THSD7A: variants seen among roughly 807,000 people sequenced by gnomAD.
THSD7A encodes thrombospondin type 1 domain containing 7A.
Under a neutral mutation model 231.3 loss-of-function variants are expected in THSD7A, and 96 were observed. The observed-to-expected ratio is 0.41, with a 90% CI of 0.35 to 0.49. The LOEUF (loss-of-function observed/expected upper bound fraction) is 0.49. THSD7A is among the 20% of genes least tolerant of loss of function. THSD7A has a pLI of 0.05. For synonymous variants in THSD7A, 940 were observed against 743.3 expected (o/e 1.26, Z -4.30); for missense variants, 2,290 against 2,070.2 (o/e 1.11, Z -2.06).
intron 11 of THSD7A, among the ~76,000 whole-genome samples, chr7:11,452,860 G>A (rs1253227990): frequency 6.6e-6 from 1 of 151,936 alleles, no homozygotes; most frequent in African/African-American, 2.4e-5. Flanking sequence ...AATAATTCTA[G>A]AAGTTTTAAA....
chr7:11,827,441 C>T (rs1275384033), intron 1 of THSD7A, among the ~76,000 whole-genome samples: 1 of 152,060 alleles, frequency 6.6e-6, no homozygotes, highest in Non-Finnish European at 1.5e-5. Flanking sequence ...CCTTTCCTAG[C>T]CTTTCTAAAC....
intron 13 of THSD7A, among the ~76,000 whole-genome samples, chr7:11,436,014 C>G (rs1440747030): frequency 6.6e-6 from 1 of 151,944 alleles, no homozygotes; most frequent in Admixed American, 6.6e-5. Context: ...TATGTAAGAA[C>G]CTGTGTTTAT....
chr7:11,692,337 A>G (rs1780258192), intron 1 of THSD7A, among the ~76,000 whole-genome samples: 1 of 151,636 alleles, frequency 6.6e-6, no homozygotes, highest in Non-Finnish European at 1.5e-5. Context: ...TAAATAAAAT[A>G]GATACCTCAG....
chr7:11,644,797 C>A (rs1344394818), intron 1 of THSD7A, among the ~76,000 whole-genome samples: 3 of 151,770 alleles, frequency 2.0e-5, no homozygotes, highest in African/African-American at 7.2e-5. Flanking sequence ...TTCTGGTTTC[C>A]TCATTTTAAA....
intron 2 of THSD7A, among the ~76,000 whole-genome samples, chr7:11,609,744 G>C (rs1011770309): frequency 6.6e-6 from 1 of 152,088 alleles, no homozygotes; most frequent in South Asian, 2.1e-4. Context: ...ATGCAGAGAA[G>C]CTTATTCAAT....
chr7:11,544,801 C>T (rs62432838), intron 4 of THSD7A, among the ~76,000 whole-genome samples: 15,076 of 146,414 alleles, frequency 0.1, 1,570 homozygotes, highest in African/African-American at 0.27. Context: ...CTCCACATCT[C>T]CCCCGCCTCC....
intron 5 of THSD7A, among the ~76,000 whole-genome samples, chr7:11,542,008 T>C (rs1339742723): frequency 6.6e-6 from 1 of 151,900 alleles, no homozygotes; most frequent in African/African-American, 2.4e-5. Context: ...AAAGAAGGAG[T>C]GAAATTTCAA....
intron 23 of THSD7A, chr7:11,384,852 G>T (rs780549343): frequency 6.6e-6 from 1 of 151,770 alleles, no homozygotes; most frequent in Non-Finnish European, 1.5e-5. Flanking sequence ...TTAATTTTAG[G>T]ATCAATTTCT....
intron 1 of THSD7A, among the ~76,000 whole-genome samples, chr7:11,741,852 T>C (rs1336683988): frequency 1.3e-5 from 2 of 151,930 alleles, no homozygotes; most frequent in Non-Finnish European, 2.9e-5. Context: ...TACCTTAAGT[T>C]TGTATACCAT....
intron 27 of THSD7A, 22 bp from the exon 28 acceptor site, chr7:11,375,900 G>T (rs764827354): frequency 1.2e-6 from 2 of 1,607,538 alleles, no homozygotes; most frequent in Admixed American, 3.4e-5. Context: ...TTCGGAATTA[G>T]GAGAAAGAAA....
intron 2 of THSD7A, among the ~76,000 whole-genome samples, chr7:11,596,242 T>C (rs952923606): frequency 7.2e-5 from 11 of 152,132 alleles, no homozygotes; most frequent in African/African-American, 2.7e-4. Context: ...TAACTGTGCA[T>C]TGGGAAAGGG....
chr7:11,697,546 T>C (rs1163986776), intron 1 of THSD7A, among the ~76,000 whole-genome samples: 2 of 151,354 alleles, frequency 1.3e-5, no homozygotes, highest in East Asian at 2.0e-4. Context: ...AGAGATTATA[T>C]TGATAAACAT....
intron 6 of THSD7A, among the ~76,000 whole-genome samples, chr7:11,526,149 A>G (rs1788465577): frequency 6.6e-6 from 1 of 152,134 alleles, no homozygotes; most frequent in African/African-American, 2.4e-5. Flanking sequence ...AACCTGGCTT[A>G]CCAATTCTCT....
intron 6 of THSD7A, among the ~76,000 whole-genome samples, chr7:11,516,759 A>C (rs1788047009): frequency 1.3e-5 from 2 of 152,230 alleles, no homozygotes; most frequent in African/African-American, 4.8e-5. Context: ...TTTGAAAATA[A>C]GGATATATTT....
intron 2 of THSD7A, among the ~76,000 whole-genome samples, chr7:11,633,837 TTTAG>T (rs1212309146): frequency 6.4e-4 from 98 of 152,332 alleles, no homozygotes; most frequent in African/African-American, 1.9e-3. Context: ...CTTGGTTTTA[TTTAG>T]TTAAACTTAT....
chr7:11,434,660 CTCT>C (rs923502252), intron 13 of THSD7A, among the ~76,000 whole-genome samples: 2 of 151,960 alleles, frequency 1.3e-5, no homozygotes, highest in African/African-American at 4.8e-5. Context: ...CTCAAAAAAT[CTCT>C]TCTACTTAAT....
intron 23 of THSD7A, among the ~76,000 whole-genome samples, chr7:11,390,782 G>C (rs893532733): frequency 3.3e-5 from 5 of 152,160 alleles, no homozygotes; most frequent in Admixed American, 3.3e-4. Flanking sequence ...TCTCTGAGTG[G>C]ACGTCCTTTC....
intron 1 of THSD7A, among the ~76,000 whole-genome samples, chr7:11,807,442 T>C (rs1784427432): frequency 6.6e-6 from 1 of 152,084 alleles, no homozygotes; most frequent in African/African-American, 2.4e-5. Context: ...GTAGTATTAA[T>C]CAAGTAAAAC....
chr7:11,633,696 T>C (rs1781736125), intron 2 of THSD7A, among the ~76,000 whole-genome samples: 1 of 152,162 alleles, frequency 6.6e-6, no homozygotes. Flanking sequence ...TAGAGTTTCA[T>C]TTGTGTTTTT....
Sources: allele counts gnomAD v4.1 joint callset (sites outside exome capture counted in the v4.1 genomes callset), GRCh38; gene constraint gnomAD v4.1.1; transcripts MANE v1.5; gene names NCBI Gene and HGNC (gene_info 2026-07-23, HGNC 2026-07-21).